The following GAREM1 variants were observed in gnomAD, a reference collection of about 807,000 sequenced individuals.
The protein encoded by GAREM1 is GRB2-associated and regulator of MAPK protein 1.
Under a neutral mutation model 71.3 loss-of-function variants are expected in GAREM1, and 26 were observed. That is an observed-to-expected ratio of 0.36 (90% CI 0.27 to 0.51). The LOEUF is 0.51. Ranked by LOEUF, GAREM1 falls within the 20% of genes least tolerant of loss-of-function variation. The probability of loss-of-function intolerance (pLI) is 0.95; values close to 1 mark genes in which losing one functional copy is unlikely to be tolerated. For synonymous variants in GAREM1, 440 were observed against 433.2 expected (o/e 1.02, Z -0.20); for missense variants, 1,026 against 1,103.1 (o/e 0.93, Z 0.99).
At chr18:32,419,679 C>T (rs540526536) in intron 1 of GAREM1, among the ~76,000 whole-genome samples, 252 of 151,958 alleles carry the variant, frequency 1.7e-3, no homozygotes, top group African/African-American at 5.9e-3. Flanking sequence ...CTAAAAATTA[C>T]ATCTGTAAAA....
At chr18:32,418,865 G>T (rs1425160844) in intron 1 of GAREM1, among the ~76,000 whole-genome samples, 1 of 152,186 alleles carries the variant, frequency 6.6e-6, no homozygotes, top group Non-Finnish European at 1.5e-5. Flanking sequence ...ATGAAGAGAA[G>T]GATAACGTGT....
intron 2 of GAREM1, among the ~76,000 whole-genome samples, chr18:32,377,565 G>T (rs962351264): frequency 2.6e-5 from 4 of 152,052 alleles, no homozygotes; most frequent in African/African-American, 9.7e-5. Flanking sequence ...AAAAAGAGAA[G>T]ATTATTTCTT....
chr18:32,378,247 C>A (rs56339165), intron 2 of GAREM1, among the ~76,000 whole-genome samples: 8 of 152,094 alleles, frequency 5.3e-5, no homozygotes, highest in Non-Finnish European at 1.5e-5. Context: ...CGCCTATAAT[C>A]TTAGCACTTT....
At chr18:32,352,487 T>C (rs1006199853) in intron 2 of GAREM1, among the ~76,000 whole-genome samples, 3 of 152,036 alleles carry the variant, frequency 2.0e-5, no homozygotes, top group Non-Finnish European at 1.5e-5. Context: ...GAGAGTAGCC[T>C]ATAAGAGGGC....
At chr18:32,426,545 C>T (rs985236827) in intron 1 of GAREM1, among the ~76,000 whole-genome samples, 1 of 152,152 alleles carries the variant, frequency 6.6e-6, no homozygotes, top group Non-Finnish European at 1.5e-5. Context: ...TTTCCATTTT[C>T]TACTTCATGT....
intron 1 of GAREM1, among the ~76,000 whole-genome samples, chr18:32,428,464 T>C (rs1157895609): frequency 2.0e-5 from 3 of 152,064 alleles, no homozygotes; most frequent in African/African-American, 7.2e-5. Context: ...GTGAGTGAGT[T>C]CTCGTGAGAT....
intron 2 of GAREM1, among the ~76,000 whole-genome samples, chr18:32,320,379 C>T (rs2047417471): frequency 6.6e-6 from 1 of 152,094 alleles, no homozygotes; most frequent in African/African-American, 2.4e-5. Flanking sequence ...TGAAATTCTA[C>T]AACATGGCAT....
At chr18:32,456,174 G>A (rs2048886371) in intron 1 of GAREM1, among the ~76,000 whole-genome samples, 1 of 151,974 alleles carries the variant, frequency 6.6e-6, no homozygotes. Context: ...TGTAGATTAG[G>A]TCAATTGATC....
chr18:32,326,990 T>G (rs1302597812), intron 2 of GAREM1, among the ~76,000 whole-genome samples: 1 of 152,222 alleles, frequency 6.6e-6, no homozygotes, highest in South Asian at 2.1e-4. Flanking sequence ...GGAGTGACTT[T>G]GTCAGGGAAC....
chr18:32,446,932 A>G (rs933373333), intron 1 of GAREM1, among the ~76,000 whole-genome samples: 7 of 152,224 alleles, frequency 4.6e-5, no homozygotes, highest in African/African-American at 1.4e-4. Context: ...ACCTCCAAAC[A>G]GTAACTGAGC....
chr18:32,277,318 T>C (rs1295584301), intron 4 of GAREM1, among the ~76,000 whole-genome samples: 1 of 152,200 alleles, frequency 6.6e-6, no homozygotes, highest in Non-Finnish European at 1.5e-5. Flanking sequence ...TATGCATGCA[T>C]GTAAGCTGGA....
At chr18:32,272,635 T>C (rs1050449404) in intron 4 of GAREM1, among the ~76,000 whole-genome samples, 5 of 152,052 alleles carry the variant, frequency 3.3e-5, no homozygotes, top group Admixed American at 2.6e-4. Flanking sequence ...GTCTTTTTTT[T>C]TTTTGGAGAC....
intron 3 of GAREM1, among the ~76,000 whole-genome samples, chr18:32,301,665 T>C (rs1482066402): frequency 1.3e-5 from 2 of 152,222 alleles, no homozygotes; most frequent in Non-Finnish European, 1.5e-5. Context: ...ATTTGCTATA[T>C]GGACCTGATT....
intron 2 of GAREM1, among the ~76,000 whole-genome samples, chr18:32,386,877 C>T (rs74988960): frequency 2.6e-5 from 4 of 152,158 alleles, no homozygotes; most frequent in African/African-American, 4.8e-5. Context: ...GAGCCATTTA[C>T]GCAAGTTAGA....
chr18:32,421,139 C>A (rs572073020), intron 1 of GAREM1, among the ~76,000 whole-genome samples: 1 of 152,242 alleles, frequency 6.6e-6, no homozygotes. Context: ...CAAGCACAGG[C>A]CCAGTAAGTT....
intron 1 of GAREM1, among the ~76,000 whole-genome samples, chr18:32,458,401 G>A (rs946797104): frequency 1.3e-5 from 2 of 151,958 alleles, no homozygotes; most frequent in Non-Finnish European, 2.9e-5. Context: ...TCTTTCAGAG[G>A]ACAGTTACAA....
chr18:32,421,670 GT>G (rs1252354738), intron 1 of GAREM1, among the ~76,000 whole-genome samples: 2 of 151,976 alleles, frequency 1.3e-5, no homozygotes, highest in East Asian at 1.9e-4. Context: ...AGGCCTCCAT[GT>G]TTTTTTTCTC....
At chr18:32,335,887 A>G (rs751180625) in intron 2 of GAREM1, among the ~76,000 whole-genome samples, 4 of 152,224 alleles carry the variant, frequency 2.6e-5, no homozygotes, top group Non-Finnish European at 5.9e-5. Flanking sequence ...GCAAATGGCA[A>G]GCAATGGGTT....
At chr18:32,308,734 C>T (rs1012797533) in intron 3 of GAREM1, among the ~76,000 whole-genome samples, 1 of 149,836 alleles carries the variant, frequency 6.7e-6, no homozygotes, top group Non-Finnish European at 1.5e-5. Flanking sequence ...AAGTTAAAAA[C>T]GATAAATATT....
Sources: gnomAD v4.1 joint callset for allele counts (sites outside exome capture counted in the v4.1 genomes callset) on GRCh38, gnomAD v4.1.1 for gene constraint, MANE v1.5 for transcripts, NCBI Gene and HGNC (gene_info 2026-07-23, HGNC 2026-07-21) for gene names.